The following STIMATE variants were observed in gnomAD, a reference collection of about 807,000 sequenced individuals.
The protein encoded by STIMATE is store-operated calcium entry regulator STIMATE.
STIMATE carries 15 observed loss-of-function variants against 36.7 expected under a neutral mutation model. The ratio of observed to expected loss-of-function variants is 0.41; its 90% CI spans 0.27 to 0.63. The LOEUF (loss-of-function observed/expected upper bound fraction) is 0.63. Among genes scored for constraint, STIMATE ranks in the 20% least tolerant of loss-of-function variants. STIMATE has a pLI of 0.32. For synonymous variants in STIMATE, 163 were observed against 162.3 expected, an observed-to-expected ratio of 1.00 and a Z score of -0.03; for missense variants, 305 against 397.3, an observed-to-expected ratio of 0.77 and a Z score of 1.98.
intron 1 of STIMATE, among the ~76,000 whole-genome samples, chr3:52,893,551 A>C (rs1045814513): frequency 2.6e-5 from 4 of 152,190 alleles, no homozygotes; most frequent in African/African-American, 9.7e-5. Context: ...GGTTGTGCCA[A>C]CACAAGCCTG....
intron 1 of STIMATE, among the ~76,000 whole-genome samples, chr3:52,890,964 A>G (rs1701773471): frequency 6.6e-6 from 1 of 152,202 alleles, no homozygotes; most frequent in South Asian, 2.1e-4. Context: ...AAATCTTCAC[A>G]AAGGCCCAGA....
At chr3:52,867,731 A>C (rs1559495030) in intron 1 of STIMATE, among the ~76,000 whole-genome samples, 1 of 152,210 alleles carries the variant, frequency 6.6e-6, no homozygotes, top group Admixed American at 6.5e-5. Flanking sequence ...TCAGCTCATA[A>C]ACTACGCAGT....
chr3:52,849,850 G>A lies in STIMATE; in HGVS notation c.369C>T (p.Arg123=), dbSNP rs139841881. 2.9e-5 allele frequency: 47 copies of A among 1,613,732 alleles called. No individual in the cohort carries two copies. Among genetic ancestry groups the A allele is most frequent in the African/African-American group, 8.0e-5 (6 of 74,950 alleles). ...GCCACTCTACCAGGACGCTGACGGC[G>A]CGCACCCCCACGTAGATGAGCAGCA... ...VGMLLIYVGV[R]AVSVLVEWQQ... Residue 123 remains arginine (R), a synonymous_variant, in exon 4 of 8, where the codon CGC becomes CGT. Transcript: ENST00000355083.
intron 1 of STIMATE, among the ~76,000 whole-genome samples, chr3:52,863,165 C>T (rs1416886884): frequency 6.6e-6 from 1 of 152,136 alleles, no homozygotes; most frequent in African/African-American, 2.4e-5. Flanking sequence ...TTCTCTTTTT[C>T]TTTCAATGAA....
At position 52,897,512 on chromosome 3, in the gene STIMATE, G is replaced by C. The variant is rs995531954; in HGVS notation, c.-62C>G. On this transcript the variant is annotated 5_prime_UTR_variant, in exon 1 of 8. Transcript: ENST00000355083. ...CCGCCCGGCCTCGCTGCCTGCCGGC[G>C]CAGCGCCGCCAAACCCGCAGCCGGG... is the stretch of plus-strand genomic sequence containing the variant. 24 of 1,190,582 alleles carry C rather than the reference G, an allele frequency of 2.0e-5. No homozygotes were observed. The highest frequency in any genetic ancestry group is 4.5e-5 in the Admixed American group (1 of 22,130). 73.8% of individuals were successfully genotyped at this position (1,190,582 alleles called of 1,614,324 possible). A position where few individuals can be genotyped will look rare whatever the true frequency, so the allele number is the denominator to read the frequency against.
intron 6 of STIMATE, among the ~76,000 whole-genome samples, chr3:52,843,480 G>A (rs951635031): frequency 4.6e-5 from 7 of 152,064 alleles, no homozygotes; most frequent in African/African-American, 1.2e-4. Context: ...GAGGCCCCTC[G>A]GCAGGGAGGA....
chr3:52,840,278 G>A lies in STIMATE; in HGVS notation c.*216C>T. On this transcript the variant is annotated 3_prime_UTR_variant, in exon 8 of 8. Coordinates refer to ENST00000355083, the MANE Select transcript of STIMATE (RefSeq NM_198563.5). ...TCAGTGTTTGTAGTGCAACTGAATG[G>A]GGACCTCCAGCCGCCAGTGGCCCCC... 2.0e-6 allele frequency: 1 copy of A among 508,652 alleles called. No homozygotes were observed. The highest frequency in any genetic ancestry group is 3.5e-6 in the Non-Finnish European group (1 of 285,258). 31.5% of individuals were successfully genotyped at this position (508,652 alleles called of 1,614,324 possible).
intron 2 of STIMATE, among the ~76,000 whole-genome samples, chr3:52,854,663 C>T (rs150060013): frequency 3.4e-4 from 51 of 152,236 alleles, no homozygotes; most frequent in African/African-American, 1.2e-3. Context: ...TGAACCTTAG[C>T]GGGGAAGTGG....
chr3:52,863,571 T>A (rs1701253949), intron 1 of STIMATE, among the ~76,000 whole-genome samples: 1 of 148,262 alleles, frequency 6.7e-6, no homozygotes. Context: ...TGTCCTCACA[T>A]TTCAAAATCA....
chr3:52,857,668 A>C (rs1423526609), intron 1 of STIMATE, among the ~76,000 whole-genome samples: 1 of 151,918 alleles, frequency 6.6e-6, no homozygotes, highest in Admixed American at 6.6e-5. Flanking sequence ...ATACATTATA[A>C]TTATGTATAA....
Position 52,849,787 on chromosome 3 carries a change from A to G in STIMATE, c.427+5T>C. ...ACGCCCTGTCCGGCATCCACAGCAT[A>G]TTACCATATTCGCCGAAGCGCAGGG... is the stretch of plus-strand genomic sequence containing the variant. On this transcript the variant is annotated splice_donor_5th_base_variant and intron_variant, in intron 4 of 7. Coordinates refer to ENST00000355083, the MANE Select transcript of STIMATE (RefSeq NM_198563.5). 1 of 1,612,086 alleles carries G rather than the reference A, an allele frequency of 6.2e-7. No homozygotes were observed.
Position 52,897,548 on chromosome 3 carries a change from T to C in STIMATE, c.-98A>G. On this transcript the variant is annotated 5_prime_UTR_variant, in exon 1 of 8. Coordinates refer to ENST00000355083, the MANE Select transcript of STIMATE (RefSeq NM_198563.5). ...AAACCCGCAGCCGGGATCCCAAGCC[T>C]GAGCCGGTACCTCCGCCCGGCCGCC... is the stretch of plus-strand genomic sequence containing the variant. The C allele has an allele frequency of 2.6e-6, 3 of 1,169,306 alleles. No homozygotes were observed. Among genetic ancestry groups the C allele is most frequent in the Non-Finnish European group, 3.2e-6 (3 of 947,362 alleles). The allele number at this position is 1,169,306 out of a possible 1,614,324, so 72.4% of individuals were successfully genotyped here. A position where few individuals can be genotyped will look rare whatever the true frequency, so the allele number is the denominator to read the frequency against.
chr3:52,872,230 A>C (rs1360903316), intron 1 of STIMATE, among the ~76,000 whole-genome samples: 1 of 152,188 alleles, frequency 6.6e-6, no homozygotes, highest in Non-Finnish European at 1.5e-5. Flanking sequence ...AAGCTCTGTA[A>C]GACCAGGACC....
intron 1 of STIMATE, among the ~76,000 whole-genome samples, chr3:52,855,805 A>G (rs1701082582): frequency 6.6e-6 from 1 of 152,244 alleles, no homozygotes; most frequent in Non-Finnish European, 1.5e-5. Context: ...CAAATCCATC[A>G]TCAACTCAAA....
At chr3:52,870,618 G>A (rs1023472806) in intron 1 of STIMATE, among the ~76,000 whole-genome samples, 2 of 152,212 alleles carry the variant, frequency 1.3e-5, no homozygotes, top group African/African-American at 2.4e-5. Context: ...GTGACTCCAC[G>A]CGAAGTGAAT....
rs1339119885 is a variant in STIMATE, at chr3:52,895,883, C to A, written c.160+1408G>T. 2.3e-6 allele frequency: 3 copies of A among 1,289,216 alleles called. No individual in the cohort carries two copies. In the African/African-American group the frequency reaches 4.6e-5, roughly 20 times the overall value. 79.9% of individuals were successfully genotyped at this position (1,289,216 alleles called of 1,614,324 possible). On this transcript the variant is annotated intron_variant, in intron 1 of 7. Coordinates refer to ENST00000355083, the MANE Select transcript of STIMATE (RefSeq NM_198563.5). ...GGGTATGAAGATCCACTCACCATGT[C>A]TTGAAAACACACACGTACAGTACAT...
intron 1 of STIMATE, among the ~76,000 whole-genome samples, chr3:52,878,344 G>T (rs1416764908): frequency 1.3e-5 from 2 of 151,934 alleles, no homozygotes; most frequent in African/African-American, 4.8e-5. Context: ...CCCTGGTCTA[G>T]AAGTCTGATG....
At chr3:52,885,427 C>T (rs895628173) in intron 1 of STIMATE, among the ~76,000 whole-genome samples, 4 of 152,188 alleles carry the variant, frequency 2.6e-5, no homozygotes, top group Non-Finnish European at 5.9e-5. Flanking sequence ...TTCTCTAGAG[C>T]TAGTTGAAAC....
intron 4 of STIMATE, among the ~76,000 whole-genome samples, 176 bp from the exon 5 acceptor site, chr3:52,845,117 A>C (rs1312965468): frequency 1.3e-5 from 2 of 152,212 alleles, no homozygotes; most frequent in African/African-American, 4.8e-5. Flanking sequence ...CAAATGCAGT[A>C]TTTTAAATAA....
Sources: gnomAD v4.1 joint callset for allele counts (sites outside exome capture counted in the v4.1 genomes callset) on GRCh38, gnomAD v4.1.1 for gene constraint, MANE v1.5 for transcripts, NCBI Gene and HGNC (gene_info 2026-07-23, HGNC 2026-07-21) for gene names.